Variants in ITFG1 observed in about 807,000 individuals in gnomAD.
ITFG1 encodes T-cell immunomodulatory protein.
A neutral mutation model predicts 81.8 loss-of-function variants in ITFG1; 34 were observed. That is an observed-to-expected ratio of 0.42 (90% CI 0.32 to 0.55). ITFG1 has a LOEUF of 0.55. Among genes scored for constraint, ITFG1 ranks in the 20% least tolerant of loss-of-function variants. The probability of loss-of-function intolerance (pLI) is 0.17; values close to 1 mark genes in which losing one functional copy is unlikely to be tolerated. For missense variants in ITFG1, 672 were observed against 755.4 expected (o/e 0.89, Z 1.29); for synonymous variants, 285 against 270.6 (o/e 1.05, Z -0.52).
At chr16:47,362,553 C>T (rs934355461) in intron 8 of ITFG1, among the ~76,000 whole-genome samples, 3 of 152,122 alleles carry the variant, frequency 2.0e-5, no homozygotes, top group African/African-American at 7.2e-5. Context: ...ATTTATTATG[C>T]TTCTATATTT....
intron 16 of ITFG1, 32 bp from the exon 17 acceptor site, chr16:47,159,022 C>T (rs767483229): frequency 8.6e-7 from 1 of 1,164,490 alleles, no homozygotes; most frequent in Non-Finnish European, 1.2e-6. Context: ...ATTAAAATTA[C>T]AAATTTTATT....
At chr16:47,417,389 C>G (rs1968887999) in intron 6 of ITFG1, among the ~76,000 whole-genome samples, 1 of 152,174 alleles carries the variant, frequency 6.6e-6, no homozygotes, top group Admixed American at 6.5e-5. Context: ...ATATTTATTT[C>G]TGTGTGTCAG....
chr16:47,420,602 T>A (rs1440640432), intron 6 of ITFG1, among the ~76,000 whole-genome samples: 1 of 152,230 alleles, frequency 6.6e-6, no homozygotes, highest in Non-Finnish European at 1.5e-5. Flanking sequence ...GATTGAGTTC[T>A]GTATTAATTT....
intron 6 of ITFG1, among the ~76,000 whole-genome samples, chr16:47,378,194 G>A (rs1968350910): frequency 6.6e-6 from 1 of 152,188 alleles, no homozygotes; most frequent in African/African-American, 2.4e-5. Flanking sequence ...ACTGAGAAAA[G>A]GGGCAAGCAT....
At position 47,219,062 on chromosome 16, in the gene ITFG1, C is replaced by A. The variant is rs994779195; in HGVS notation, c.1375-116G>T. ...ACACAGATGACAGTTACTTAGAGAC[C>A]CCTTCCATTAACAGCACATCAAAAG... On this transcript the variant is annotated intron_variant, in intron 13 of 17. Coordinates refer to ENST00000320640, the MANE Select transcript of ITFG1 (RefSeq NM_030790.5). 18 of 500,722 alleles carry A rather than the reference C, an allele frequency of 3.6e-5. No individual in the cohort carries two copies. The South Asian group carries it at 6.6e-4, about 18-fold the overall frequency. The allele number at this position is 500,722 out of a possible 1,614,324, so 31.0% of individuals were successfully genotyped here. A position where few individuals can be genotyped will look rare whatever the true frequency, so the allele number is the denominator to read the frequency against.
At position 47,224,120 on chromosome 16, in the gene ITFG1, G is replaced by A. The variant is rs553795201; in HGVS notation, c.1375-5174C>T. ...GGAGATACACCTAATGCTGGATGAC[G>A]AGTTAGTGGGTGCAGCACACCAGCA... On this transcript the variant is annotated intron_variant, in intron 13 of 17. Coordinates refer to ENST00000320640, the MANE Select transcript of ITFG1 (RefSeq NM_030790.5). Among the ~76,000 whole-genome samples the A allele has an allele frequency of 9.9e-5, 15 of 151,666 alleles. No individual in the cohort carries two copies. The East Asian group carries it at 2.3e-3, about 24-fold the overall frequency.
intron 5 of ITFG1, among the ~76,000 whole-genome samples, chr16:47,447,609 C>A (rs1969340086): frequency 6.6e-6 from 1 of 152,148 alleles, no homozygotes; most frequent in Admixed American, 6.5e-5. Context: ...TGGCTCACTG[C>A]AACCTCTGCC....
Position 47,214,282 on chromosome 16 carries a change from G to T in ITFG1, c.1453+4586C>A, listed in dbSNP as rs985296064. ...CACTAAGGGTACACAGAAGGCAAAG[G>T]TTACTTATGTTTTTCTCAGATATAT... On this transcript the variant is annotated intron_variant, in intron 14 of 17. Transcript: ENST00000320640. Among the ~76,000 whole-genome samples, 4 of 152,276 alleles carry T rather than the reference G, an allele frequency of 2.6e-5. No individual in the cohort carries two copies. In the South Asian group the frequency reaches 8.3e-4, roughly 32 times the overall value.
At chr16:47,180,658 T>C (rs1965097380) in intron 14 of ITFG1, among the ~76,000 whole-genome samples, 1 of 152,212 alleles carries the variant, frequency 6.6e-6, no homozygotes, top group Admixed American at 6.5e-5. Flanking sequence ...GTGCCGGGAT[T>C]GCAGACGGAG....
chr16:47,428,934 A>G, intron 5 of ITFG1, 36 bp from the exon 6 acceptor site: 1 of 1,185,248 alleles, frequency 8.4e-7, no homozygotes, highest in Non-Finnish European at 1.2e-6. Flanking sequence ...TCTTAAGGCA[A>G]ACATCAAATG....
chr16:47,367,341 G>C (rs1187224611), intron 7 of ITFG1, among the ~76,000 whole-genome samples: 2 of 152,176 alleles, frequency 1.3e-5, no homozygotes, highest in Non-Finnish European at 2.9e-5. Context: ...GGCCACTGGT[G>C]ATTACTTTAA....
rs867132056 is a variant in ITFG1, at chr16:47,316,883, T to G, written c.803-3060A>C. On this transcript the variant is annotated intron_variant, in intron 8 of 17. Transcript: ENST00000320640. Reference sequence around the variant, plus strand: ...TGTGAGTAGATTACAAAGAAGGGCATGCTGATGGAGATGCTAGCCTGTGAA... The same window carrying G: ...TGTGAGTAGATTACAAAGAAGGGCAGGCTGATGGAGATGCTAGCCTGTGAA... Among the ~76,000 whole-genome samples the G allele has an allele frequency of 2.0e-5, 3 of 152,214 alleles. No homozygotes were observed. The South Asian group carries it at 6.2e-4, about 31-fold the overall frequency.
intron 14 of ITFG1, among the ~76,000 whole-genome samples, chr16:47,183,321 G>T (rs1293005108): frequency 1.3e-5 from 2 of 152,164 alleles, no homozygotes; most frequent in Non-Finnish European, 2.9e-5. Flanking sequence ...TCCACCTCTG[G>T]GGGCAGGGCA....
chr16:47,219,713 G>T (rs1363507198), intron 13 of ITFG1, among the ~76,000 whole-genome samples: 1 of 152,158 alleles, frequency 6.6e-6, no homozygotes, highest in Non-Finnish European at 1.5e-5. Context: ...ATGACATTTA[G>T]ATAGGCTACT....
intron 6 of ITFG1, among the ~76,000 whole-genome samples, chr16:47,380,498 G>A (rs1190056698): frequency 1.3e-5 from 2 of 152,154 alleles, no homozygotes; most frequent in Non-Finnish European, 2.9e-5. Context: ...TAGGAGAAAG[G>A]GACTGCACTC....
chr16:47,180,890 A>G (rs1166849974), intron 14 of ITFG1, among the ~76,000 whole-genome samples: 1 of 140,418 alleles, frequency 7.1e-6, no homozygotes, highest in East Asian at 2.2e-4. Context: ...CCCAGTCTGG[A>G]AAGTGAGGAG....
intron 8 of ITFG1, among the ~76,000 whole-genome samples, chr16:47,348,444 G>A (rs911778656): frequency 1.3e-5 from 2 of 152,146 alleles, no homozygotes; most frequent in Non-Finnish European, 2.9e-5. Flanking sequence ...TCCATTAACT[G>A]GAAGAAAGGG....
intron 10 of ITFG1, among the ~76,000 whole-genome samples, chr16:47,303,324 G>A (rs1173326469): frequency 1.3e-5 from 2 of 151,894 alleles, no homozygotes; most frequent in Admixed American, 6.6e-5. Flanking sequence ...TATTCTTTCC[G>A]TATAGTATAT....
rs2151555486 is a variant in ITFG1, at chr16:47,292,631, T to G, written c.1070+18609A>C. On this transcript the variant is annotated intron_variant, in intron 10 of 17. Coordinates refer to ENST00000320640, the MANE Select transcript of ITFG1 (RefSeq NM_030790.5). ...CTTGAATAGTGTACATTGAACCCAT[T>G]AAGTAACTTCTTATCCCTCAACCCC... Among the ~76,000 whole-genome samples, 3 of 152,286 alleles carry G rather than the reference T, an allele frequency of 2.0e-5. No individual in the cohort carries two copies. The Middle Eastern group carries it at 0.01, about 518-fold the overall frequency.
Sources: allele counts gnomAD v4.1 joint callset (sites outside exome capture counted in the v4.1 genomes callset), GRCh38; gene constraint gnomAD v4.1.1; transcripts MANE v1.5; gene names NCBI Gene and HGNC (gene_info 2026-07-23, HGNC 2026-07-21).